HDGFL3: variants seen among roughly 807,000 people sequenced by gnomAD.
The protein encoded by HDGFL3 is HDGF like 3, also known as hepatoma-derived growth factor-related protein 3.
In HDGFL3, 6 loss-of-function variants were observed where a neutral mutation model predicts 27.6. The observed-to-expected ratio is 0.22, with a 90% CI of 0.12 to 0.43. The LOEUF (loss-of-function observed/expected upper bound fraction) is 0.43. HDGFL3 is among the 20% of genes least tolerant of loss of function. HDGFL3 has a pLI of 1.00. For missense variants in HDGFL3, 207 were observed against 250.1 expected, an observed-to-expected ratio of 0.83 and a Z score of 1.16; for synonymous variants, 88 against 88.9, an observed-to-expected ratio of 0.99 and a Z score of 0.05.
chr15:83,174,977 G>A (rs1034678096), intron 1 of HDGFL3, among the ~76,000 whole-genome samples: 2 of 152,158 alleles, frequency 1.3e-5, no homozygotes, highest in Non-Finnish European at 2.9e-5. Context: ...CTAAAAACTA[G>A]AAGATTCAGA....
At chr15:83,159,742 G>A (rs7167364) in intron 2 of HDGFL3, among the ~76,000 whole-genome samples, 8,850 of 152,292 alleles carry the variant, frequency 0.058, 293 homozygotes, top group Middle Eastern at 0.075. Flanking sequence ...GGTCCCTCAG[G>A]TGGGAGAGGA....
chr15:83,125,923 G>C (rs1319272670), downstream of HDGFL3, among the ~76,000 whole-genome samples: 1 of 152,180 alleles, frequency 6.6e-6, no homozygotes, highest in Non-Finnish European at 1.5e-5. Flanking sequence ...AAGTAAAGAA[G>C]GCAAGGCCAT....
Position 83,129,277 on chromosome 15 carries a change from G to A in HDGFL3, c.*9993C>T, listed in dbSNP as rs557884036. On this transcript the variant is annotated 3_prime_UTR_variant, in exon 6 of 6. Coordinates refer to ENST00000299633, the MANE Select transcript of HDGFL3 (RefSeq NM_016073.4). ...TTACTTACCTATTTGTCTAAGGATA[G>A]GCTATGTGCTCTGCTGCTGTAACAA... 6.6e-6 allele frequency: 1 copy of A among 152,310 alleles called. No homozygotes were observed. The highest frequency in any genetic ancestry group is 2.1e-4 in the South Asian group (1 of 4,828). 9.4% of individuals were successfully genotyped at this position (152,310 alleles called of 1,614,324 possible).
In HDGFL3 at chr15:83,130,011, T is replaced by C. The variant is rs1032141372; in HGVS notation, c.*9259A>G. On this transcript the variant is annotated 3_prime_UTR_variant, in exon 6 of 6. Transcript: ENST00000299633. ...TTCAGTTTGACACCTATTACCTGTG[T>C]CAATTGTGCTTTGCCTGCACAATCA... The C allele has an allele frequency of 6.6e-6, 1 of 152,306 alleles. No individual in the cohort carries two copies. Among genetic ancestry groups the C allele is most frequent in the Non-Finnish European group, 1.5e-5 (1 of 68,088 alleles). The allele number at this position is 152,306 out of a possible 1,614,324, so 9.4% of individuals were successfully genotyped here.
At chr15:83,182,415 G>A (rs566502264) in intron 1 of HDGFL3, among the ~76,000 whole-genome samples, 9 of 152,264 alleles carry the variant, frequency 5.9e-5, no homozygotes, top group Middle Eastern at 3.4e-3. Flanking sequence ...GCCTAAATCT[G>A]GAAATAGCCC....
chr15:83,160,503 T>C (rs2037087150), intron 2 of HDGFL3, among the ~76,000 whole-genome samples: 1 of 145,536 alleles, frequency 6.9e-6, no homozygotes, highest in Non-Finnish European at 1.5e-5. Context: ...GGTTTTGGAC[T>C]GAGAAATAAG....
chr15:83,141,345 C>T (rs1385629842), intron 5 of HDGFL3, among the ~76,000 whole-genome samples: 4 of 152,118 alleles, frequency 2.6e-5, no homozygotes, highest in Non-Finnish European at 4.4e-5. Context: ...ATACCCAGAA[C>T]ACTGTAAGCA....
chr15:83,120,587 CTTT>C (rs993490763), intron 3 of HDGFL3, among the ~76,000 whole-genome samples: 14 of 125,934 alleles, frequency 1.1e-4, no homozygotes, highest in Non-Finnish European at 6.8e-5. Flanking sequence ...CCAGCTAATT[CTTT>C]TTTTTTTTTT....
At chr15:83,173,085 A>G (rs2037266277) in intron 1 of HDGFL3, among the ~76,000 whole-genome samples, 1 of 152,206 alleles carries the variant, frequency 6.6e-6, no homozygotes, top group Non-Finnish European at 1.5e-5. Context: ...AAAACAGCCT[A>G]AAACAAACCT....
intron 1 of HDGFL3, among the ~76,000 whole-genome samples, chr15:83,200,030 G>A (rs1483781653): frequency 1.6e-5 from 2 of 127,152 alleles, no homozygotes; most frequent in African/African-American, 6.2e-5. Flanking sequence ...GGGCGACAAA[G>A]CGAAACTCCA....
chr15:83,122,394 G>T lies in HDGFL3; in HGVS notation c.394-6653C>A, dbSNP rs577850265. 2.8e-3 allele frequency among the ~76,000 whole-genome samples: 427 copies of T among 152,066 alleles called. 5 individuals are homozygous for T. Among genetic ancestry groups the T allele is most frequent in the African/African-American group, 9.3e-3 (385 of 41,470 alleles). On this transcript the variant is annotated intron_variant, in intron 3 of 3. Coordinates refer to the HDGFL3 transcript ENST00000568294. Reference sequence around the variant, plus strand: ...TGTATGCAGGAAATCAGGATATATAGGTAGATAGATAGATAGATAGATATA... The same window carrying T: ...TGTATGCAGGAAATCAGGATATATATGTAGATAGATAGATAGATAGATATA...
At position 83,119,804 on chromosome 15, in the gene HDGFL3, A is replaced by G. The variant is rs1372903234; in HGVS notation, c.394-4063T>C. 6 of 1,489,090 alleles carry G rather than the reference A, an allele frequency of 4.0e-6. No individual in the cohort carries two copies. The African/African-American group carries it at 5.5e-5, about 14-fold the overall frequency. 92.2% of individuals were successfully genotyped at this position (1,489,090 alleles called of 1,614,324 possible). ...TATACTGGACATGAATATAAGTTCC[A>G]TGGGTGCACGTCAGACGTGGCTTTA... On this transcript the variant is annotated intron_variant, in intron 3 of 3. Transcript: ENST00000568294.
intron 5 of HDGFL3, among the ~76,000 whole-genome samples, chr15:83,150,154 G>A (rs570604660): frequency 6.6e-6 from 1 of 152,274 alleles, no homozygotes; most frequent in Non-Finnish European, 1.5e-5. Flanking sequence ...CCTTTGTCAT[G>A]AGAAGTGCAT....
At chr15:83,182,107 C>A (rs2037388397) in intron 1 of HDGFL3, among the ~76,000 whole-genome samples, 1 of 152,126 alleles carries the variant, frequency 6.6e-6, no homozygotes, top group African/African-American at 2.4e-5. Context: ...CCAGATATTT[C>A]CCTTTTCTCA....
chr15:83,144,736 A>C, intron 5 of HDGFL3: 1 of 347,186 alleles, frequency 2.9e-6, no homozygotes, highest in South Asian at 2.2e-5. Flanking sequence ...CCTGGACTGC[A>C]TTTTGGTATC....
intron 1 of HDGFL3, among the ~76,000 whole-genome samples, chr15:83,190,744 T>A (rs2037501982): frequency 6.6e-6 from 1 of 152,208 alleles, no homozygotes; most frequent in African/African-American, 2.4e-5. Flanking sequence ...ATAGAGTTTT[T>A]CAGTGAACAA....
chr15:83,126,735 G>A (rs541747036), downstream of HDGFL3: 1 of 1,587,080 alleles, frequency 6.3e-7, no homozygotes, highest in African/African-American at 1.4e-5. Flanking sequence ...TTTTTATAAT[G>A]AGTTTATTTT....
rs1432655915 is a variant in HDGFL3, at chr15:83,128,104, AAATT to A, written c.*11162_*11165del. 1 of 152,372 alleles carries A rather than the reference AAATT, an allele frequency of 6.6e-6. No homozygotes were observed. Among genetic ancestry groups the A allele is most frequent in the East Asian group, 1.9e-4 (1 of 5,188 alleles). 9.4% of individuals were successfully genotyped at this position (152,372 alleles called of 1,614,324 possible). A position where few individuals can be genotyped will look rare whatever the true frequency, so the allele number is the denominator to read the frequency against. ...AAATCAATCTTCTGAACAAGGAAGAAAATTAATTTTTCTTACTAGAAATAAAACA... is the reference window on the plus strand; with the variant it reads ...AAATCAATCTTCTGAACAAGGAAGAAAATTTTTCTTACTAGAAATAAAACA... On this transcript the variant is annotated 3_prime_UTR_variant, in exon 6 of 6. Transcript: ENST00000299633.
chr15:83,198,054 C>CAAAAAAAAAAAAAAAAAAAAAAAAAAAAA (rs766372255), intron 1 of HDGFL3, among the ~76,000 whole-genome samples: 2 of 57,602 alleles, frequency 3.5e-5, no homozygotes, highest in African/African-American at 9.6e-5. Flanking sequence ...GACTCCGTCT[C>CAAAAAAAAAAAAAAAAAAAAAAAAAAAAA]AAAAAAAAAA....
Sources: allele counts gnomAD v4.1 joint callset (sites outside exome capture counted in the v4.1 genomes callset), GRCh38; gene constraint gnomAD v4.1.1; transcripts MANE v1.5; gene names NCBI Gene and HGNC (gene_info 2026-07-23, HGNC 2026-07-21).